The following PDE7B variants were observed in gnomAD, a reference collection of about 807,000 sequenced individuals.
The protein encoded by PDE7B is 3',5'-cyclic-AMP phosphodiesterase 7B.
Under a neutral mutation model 56.2 loss-of-function variants are expected in PDE7B, and 29 were observed. The observed-to-expected ratio is 0.52, with a 90% CI of 0.38 to 0.70. PDE7B has a LOEUF of 0.70. PDE7B is among the 30% of genes least tolerant of loss of function. PDE7B has a pLI of 0.00. For synonymous variants in PDE7B, 197 were observed against 196.9 expected (o/e 1.00, Z 0.00); for missense variants, 490 against 565.0 (o/e 0.87, Z 1.35).
At chr6:135,865,868 T>C (rs772264127) in intron 1 of PDE7B, among the ~76,000 whole-genome samples, 2 of 152,142 alleles carry the variant, frequency 1.3e-5, no homozygotes, top group Non-Finnish European at 2.9e-5. Context: ...TTTTTATCTA[T>C]TATTGTTTTC....
At chr6:136,025,148 G>A (rs1050151947) in intron 2 of PDE7B, among the ~76,000 whole-genome samples, 9 of 152,218 alleles carry the variant, frequency 5.9e-5, no homozygotes, top group Middle Eastern at 3.4e-3. Context: ...AATCCCACAC[G>A]GAACTCTCTC....
chr6:136,071,817 T>G (rs530867110), intron 2 of PDE7B, among the ~76,000 whole-genome samples: 57 of 152,308 alleles, frequency 3.7e-4, no homozygotes, highest in Non-Finnish European at 5.1e-4. Flanking sequence ...GAGTGCAGCA[T>G]TCTAATGTTT....
intron 1 of PDE7B, among the ~76,000 whole-genome samples, chr6:135,878,625 A>T (rs1272669659): frequency 6.6e-6 from 1 of 152,182 alleles, no homozygotes; most frequent in African/African-American, 2.4e-5. Context: ...GATGGCAGGG[A>T]TCAAAACTTT....
chr6:135,944,313 C>T (rs571067587), intron 1 of PDE7B, among the ~76,000 whole-genome samples: 1 of 152,196 alleles, frequency 6.6e-6, no homozygotes, highest in South Asian at 2.1e-4. Context: ...TAAACTGGGT[C>T]ATCACCCTGG....
intron 12 of PDE7B, among the ~76,000 whole-genome samples, chr6:136,191,275 T>C (rs1779220382): frequency 6.6e-6 from 1 of 152,196 alleles, no homozygotes; most frequent in African/African-American, 2.4e-5. Context: ...TAGCCACCAT[T>C]ATCTTGCTTG....
At chr6:135,934,465 G>A (rs1435455195) in intron 1 of PDE7B, among the ~76,000 whole-genome samples, 2 of 151,680 alleles carry the variant, frequency 1.3e-5, no homozygotes, top group African/African-American at 2.4e-5. Context: ...AGTGGCTCAC[G>A]CCTGTAATCC....
At chr6:135,998,236 A>G (rs1775600890) in intron 2 of PDE7B, among the ~76,000 whole-genome samples, 1 of 152,200 alleles carries the variant, frequency 6.6e-6, no homozygotes, top group African/African-American at 2.4e-5. Context: ...GAGGTTCACT[A>G]TTATTCTTTC....
At chr6:135,955,577 A>T (rs1235937704) in intron 2 of PDE7B, among the ~76,000 whole-genome samples, 9 of 152,186 alleles carry the variant, frequency 5.9e-5, no homozygotes, top group Non-Finnish European at 2.9e-5. Context: ...TAGGACAAAT[A>T]ACCATTGAAA....
intron 10 of PDE7B, among the ~76,000 whole-genome samples, chr6:136,179,639 C>T (rs1779032421): frequency 6.6e-6 from 1 of 152,154 alleles, no homozygotes; most frequent in Admixed American, 6.5e-5. Context: ...TCAGCTACTG[C>T]AATACCCACA....
At chr6:136,133,293 T>A (rs1401810079) in intron 3 of PDE7B, among the ~76,000 whole-genome samples, 1 of 149,398 alleles carries the variant, frequency 6.7e-6, no homozygotes, top group East Asian at 1.9e-4. Flanking sequence ...AGCATAAAGG[T>A]TTTCTTTCTG....
chr6:136,195,407 T>C lies in PDE7B; in HGVS notation c.*3567T>C, dbSNP rs1448091416. 1.4e-5 allele frequency: 2 copies of C among 141,448 alleles called. No homozygotes were observed. Among genetic ancestry groups the C allele is most frequent in the African/African-American group, 2.7e-5 (1 of 36,802 alleles). The allele number at this position is 141,448 out of a possible 1,614,324, so 8.8% of individuals were successfully genotyped here. A position where few individuals can be genotyped will look rare whatever the true frequency, so the allele number is the denominator to read the frequency against. On this transcript the variant is annotated 3_prime_UTR_variant, in exon 13 of 13. Coordinates refer to ENST00000308191, the MANE Select transcript of PDE7B (RefSeq NM_018945.4). Reference sequence around the variant, plus strand: ...CTGTATTTCTCATGCTTTGTTCTTTTAAACAAATCCTTTAAACTGTGTCAT... The same window carrying C: ...CTGTATTTCTCATGCTTTGTTCTTTCAAACAAATCCTTTAAACTGTGTCAT...
intron 2 of PDE7B, among the ~76,000 whole-genome samples, chr6:136,063,506 C>A (rs948442903): frequency 3.3e-5 from 5 of 152,214 alleles, no homozygotes; most frequent in African/African-American, 1.2e-4. Flanking sequence ...CTGCAGTAGT[C>A]CCCTACCTGT....
At chr6:136,080,942 C>G (rs552292855) in intron 2 of PDE7B, among the ~76,000 whole-genome samples, 29 of 152,280 alleles carry the variant, frequency 1.9e-4, no homozygotes, top group African/African-American at 6.3e-4. Flanking sequence ...GGAGAAGATA[C>G]TTGAACTGAG....
At chr6:135,853,705 T>A (rs772128030) in intron 1 of PDE7B, among the ~76,000 whole-genome samples, 22 of 152,138 alleles carry the variant, frequency 1.4e-4, no homozygotes, top group Admixed American at 3.3e-4. Flanking sequence ...TGACTATATG[T>A]CAGCAAATTA....
rs183825303 is a variant in PDE7B at position 136,031,796 on chromosome 6, G to C, written c.83-76935G>C. On this transcript the variant is annotated intron_variant, in intron 2 of 12. Coordinates refer to ENST00000308191, the MANE Select transcript of PDE7B (RefSeq NM_018945.4). ...CTCATCATTTTCTCACTTTCCTTTTGTTATGTCATTTATATAAAAAATCTT... is the reference window on the plus strand; with the variant it reads ...CTCATCATTTTCTCACTTTCCTTTTCTTATGTCATTTATATAAAAAATCTT... 4.0e-5 allele frequency among the ~76,000 whole-genome samples: 6 copies of C among 148,416 alleles called. No homozygotes were observed. In the East Asian group the frequency reaches 1.2e-3, roughly 29 times the overall value.
chr6:135,971,656 A>C (rs1775095782), intron 2 of PDE7B, among the ~76,000 whole-genome samples: 2 of 152,224 alleles, frequency 1.3e-5, no homozygotes, highest in Admixed American at 1.3e-4. Flanking sequence ...ACTAGAATTC[A>C]AAAGACATTG....
intron 2 of PDE7B, among the ~76,000 whole-genome samples, chr6:136,104,730 T>C (rs1777619415): frequency 6.6e-6 from 1 of 152,240 alleles, no homozygotes; most frequent in South Asian, 2.1e-4. Context: ...GTGAAATTTC[T>C]CAGATGCATT....
intron 2 of PDE7B, among the ~76,000 whole-genome samples, chr6:135,995,036 T>G (rs1257092715): frequency 6.6e-6 from 1 of 152,188 alleles, no homozygotes; most frequent in African/African-American, 2.4e-5. Context: ...GAATGAGACC[T>G]ATCCATCCTG....
At chr6:135,970,499 A>G (rs1174358234) in intron 2 of PDE7B, among the ~76,000 whole-genome samples, 1 of 152,164 alleles carries the variant, frequency 6.6e-6, no homozygotes. Flanking sequence ...ACCTGGGCAT[A>G]TTGCTAAAAT....
Sources: allele counts gnomAD v4.1 joint callset (sites outside exome capture counted in the v4.1 genomes callset), GRCh38; gene constraint gnomAD v4.1.1; transcripts MANE v1.5; gene names NCBI Gene and HGNC (gene_info 2026-07-23, HGNC 2026-07-21).